The following DRD2 variants were observed in gnomAD, a reference collection of about 807,000 sequenced individuals.
DRD2 encodes D(2) dopamine receptor.
Under a neutral mutation model 38.0 loss-of-function variants are expected in DRD2, and 8 were observed. That is an observed-to-expected ratio of 0.21 (90% CI 0.12 to 0.38). The LOEUF (loss-of-function observed/expected upper bound fraction) is 0.38. DRD2 is among the 10% of genes least tolerant of loss of function. The pLI, the probability that DRD2 is intolerant of heterozygous loss-of-function variation, is 1.00. For missense variants in DRD2, 403 were observed against 607.7 expected (o/e 0.66, Z 3.54); for synonymous variants, 230 against 238.6 (o/e 0.96, Z 0.33).
chr11:113,452,101 T>C (rs1037077017), intron 1 of DRD2, among the ~76,000 whole-genome samples: 2 of 152,064 alleles, frequency 1.3e-5, no homozygotes, highest in African/African-American at 4.8e-5. Flanking sequence ...TTAATGGGGA[T>C]CTGTGCGTCA....
In DRD2 at chr11:113,452,478, G is replaced by GCA. The variant is rs1190590531; in HGVS notation, c.-32+22597_-32+22598insTG. Among the ~76,000 whole-genome samples, 51 of 63,422 alleles carry GCA rather than the reference G, an allele frequency of 8.0e-4. No homozygotes were observed. The East Asian group carries it at 0.015, about 19-fold the overall frequency. The allele number at this position is 63,422 out of a possible 152,430, so 41.6% of individuals were successfully genotyped here. A position where few individuals can be genotyped will look rare whatever the true frequency, so the allele number is the denominator to read the frequency against. ...TGTGTGTGTGTGTGTGTGCGCGCGC[G>GCA]CGCGCGCGCACATTGGGGGACAGGA... is the stretch of plus-strand genomic sequence containing the variant. On this transcript the variant is annotated intron_variant, in intron 1 of 7. Coordinates refer to ENST00000362072, the MANE Select transcript of DRD2 (RefSeq NM_000795.4).
chr11:113,428,000 G>A (rs764392369), intron 1 of DRD2, among the ~76,000 whole-genome samples: 83 of 152,124 alleles, frequency 5.5e-4, no homozygotes, highest in African/African-American at 8.5e-4. Flanking sequence ...GCAAGAAGGC[G>A]GCCATCTGCT....
chr11:113,431,197 G>C (rs984069120), intron 1 of DRD2, among the ~76,000 whole-genome samples: 4 of 152,194 alleles, frequency 2.6e-5, no homozygotes, highest in Non-Finnish European at 5.9e-5. Context: ...AGCTGTTACA[G>C]GTTGAGCTAC....
At chr11:113,451,393 G>A (rs1951208342) in intron 1 of DRD2, among the ~76,000 whole-genome samples, 1 of 152,168 alleles carries the variant, frequency 6.6e-6, no homozygotes, top group Non-Finnish European at 1.5e-5. Context: ...GTTGCCCTGT[G>A]AGACATTAAG....
At chr11:113,422,649 C>T (rs975181113) in intron 2 of DRD2, among the ~76,000 whole-genome samples, 5 of 152,100 alleles carry the variant, frequency 3.3e-5, no homozygotes, top group Admixed American at 1.3e-4. Context: ...CCTTAATATC[C>T]AGTCAGGTCA....
intron 1 of DRD2, among the ~76,000 whole-genome samples, chr11:113,470,462 T>A (rs1951413397): frequency 6.6e-6 from 1 of 152,134 alleles, no homozygotes; most frequent in Admixed American, 6.5e-5. Flanking sequence ...TCTGCCTGAC[T>A]TCCCTTACCG....
chr11:113,426,860 G>A (rs1349166335), intron 1 of DRD2, among the ~76,000 whole-genome samples: 1 of 152,194 alleles, frequency 6.6e-6, no homozygotes, highest in African/African-American at 2.4e-5. Flanking sequence ...TTCCCATTTG[G>A]AGCCCACAGC....
chr11:113,429,447 G>A (rs949309162), intron 1 of DRD2, among the ~76,000 whole-genome samples: 9 of 152,178 alleles, frequency 5.9e-5, no homozygotes, highest in South Asian at 2.1e-4. Flanking sequence ...GGGTTTCACC[G>A]TGTTAGTCAG....
intron 2 of DRD2, among the ~76,000 whole-genome samples, chr11:113,418,772 A>T (rs1950852745): frequency 2.0e-5 from 3 of 152,162 alleles, no homozygotes; most frequent in Admixed American, 2.0e-4. Flanking sequence ...GGATGTTGAG[A>T]CTAGCCAACC....
intron 1 of DRD2, among the ~76,000 whole-genome samples, chr11:113,434,110 C>T (rs1288832798): frequency 6.6e-6 from 1 of 152,206 alleles, no homozygotes; most frequent in Non-Finnish European, 1.5e-5. Context: ...GCCACTCCAG[C>T]TCAGAGCCCG....
At chr11:113,462,105 C>T (rs1411392026) in intron 1 of DRD2, among the ~76,000 whole-genome samples, 1 of 152,150 alleles carries the variant, frequency 6.6e-6, no homozygotes, top group African/African-American at 2.4e-5. Flanking sequence ...TCTTTCTTGT[C>T]CTCATTTGCC....
At chr11:113,432,288 TTCTCTCTCTCTCTCTCTCTC>T (rs56097058) in intron 1 of DRD2, among the ~76,000 whole-genome samples, 1 of 136,258 alleles carries the variant, frequency 7.3e-6, no homozygotes, top group African/African-American at 2.8e-5. Flanking sequence ...GATCCTCTCT[TTCTCTCTCTCTCTCTCTCTC>T]TCTCTCTCTC....
intron 1 of DRD2, among the ~76,000 whole-genome samples, chr11:113,453,450 G>A (rs1175325473): frequency 6.6e-6 from 1 of 152,232 alleles, no homozygotes; most frequent in Non-Finnish European, 1.5e-5. Flanking sequence ...CTTTGAAGTA[G>A]TAAGATGCCT....
chr11:113,440,130 A>G (rs1404498606), intron 1 of DRD2, among the ~76,000 whole-genome samples: 1 of 152,162 alleles, frequency 6.6e-6, no homozygotes, highest in Non-Finnish European at 1.5e-5. Context: ...CCTGAGTCCA[A>G]CTTACCTTTA....
chr11:113,464,847 ACCGATATC>A (rs1466729686), intron 1 of DRD2, among the ~76,000 whole-genome samples: 2 of 152,126 alleles, frequency 1.3e-5, no homozygotes, highest in South Asian at 2.1e-4. Context: ...ATACACTTTT[ACCGATATC>A]CTTAATTCCC....
chr11:113,470,850 G>A (rs990820502), intron 1 of DRD2, among the ~76,000 whole-genome samples: 1 of 152,162 alleles, frequency 6.6e-6, no homozygotes, highest in African/African-American at 2.4e-5. Flanking sequence ...TCAGACCCCA[G>A]TGTGTCATCT....
At chr11:113,426,555 T>TCA (rs1950943143) in intron 1 of DRD2, among the ~76,000 whole-genome samples, 1 of 152,214 alleles carries the variant, frequency 6.6e-6, no homozygotes, top group Admixed American at 6.5e-5. Context: ...TGGTGCCATG[T>TCA]CCAATCAATG....
chr11:113,471,298 G>T (rs1951422685), intron 1 of DRD2, among the ~76,000 whole-genome samples: 1 of 152,178 alleles, frequency 6.6e-6, no homozygotes, highest in South Asian at 2.1e-4. Flanking sequence ...ATTAATATTA[G>T]ATTCCAACAC....
In DRD2 at chr11:113,475,393, G is replaced by C. The variant is rs1333899735; in HGVS notation, c.-349C>G. 2.0e-5 allele frequency: 3 copies of C among 152,328 alleles called. No homozygotes were observed. The highest frequency in any genetic ancestry group is 2.9e-5 in the Non-Finnish European group (2 of 67,834). The allele number at this position is 152,328 out of a possible 1,614,324, so 9.4% of individuals were successfully genotyped here. A position where few individuals can be genotyped will look rare whatever the true frequency, so the allele number is the denominator to read the frequency against. On this transcript the variant is annotated 5_prime_UTR_variant, in exon 1 of 8. Coordinates refer to ENST00000362072, the MANE Select transcript of DRD2 (RefSeq NM_000795.4). ...GGTGCGCGCGTGAGGCTGCCGGTTC[G>C]GCACTGAAGCTGGACAGCTCTGCGG...
Sources: allele counts gnomAD v4.1 joint callset (sites outside exome capture counted in the v4.1 genomes callset), GRCh38; gene constraint gnomAD v4.1.1; transcripts MANE v1.5; gene names NCBI Gene and HGNC (gene_info 2026-07-23, HGNC 2026-07-21).